Variants in ARHGEF2 observed in about 807,000 individuals in gnomAD.
The protein encoded by ARHGEF2 is rho guanine nucleotide exchange factor 2.
In ARHGEF2, 22 loss-of-function variants were observed where a neutral mutation model predicts 121.0. That is an observed-to-expected ratio of 0.18 (90% CI 0.13 to 0.26). The LOEUF (loss-of-function observed/expected upper bound fraction) is 0.26, where lower values mean the gene tolerates loss of function less well. ARHGEF2 is among the 10% of genes least tolerant of loss of function. The pLI, the probability that ARHGEF2 is intolerant of heterozygous loss-of-function variation, is 1.00. For synonymous variants in ARHGEF2, 487 were observed against 530.0 expected (o/e 0.92, Z 1.11); for missense variants, 907 against 1,336.0 (o/e 0.68, Z 5.01).
intron 7 of ARHGEF2, among the ~76,000 whole-genome samples, chr1:155,964,162 AAAAAAATATATAT>A (rs1469505180): frequency 4.2e-5 from 4 of 94,286 alleles, no homozygotes; most frequent in African/African-American, 1.7e-4. Flanking sequence ...AAAAAAAAAA[AAAAAAATATATAT>A]ATATATATAT....
At position 155,965,582 on chromosome 1, in the gene ARHGEF2, C is replaced by T. The variant is rs1679209040; in HGVS notation, c.470+49G>A. On this transcript the variant is annotated intron_variant, in intron 5 of 21. Transcript: ENST00000361247. The surrounding 1 kb of genome is among the most constrained non-coding windows in gnomAD (Gnocchi z 6.0). ...AGGGACCTCTCAGCACCCCCTTGGC[C>T]TCCACTGCCACACTCTCTGGCTGCC... is the stretch of plus-strand genomic sequence containing the variant. The T allele has an allele frequency of 7.4e-6, 12 of 1,611,224 alleles. No individual in the cohort carries two copies. The highest frequency in any genetic ancestry group is 2.2e-5 in the East Asian group (1 of 44,880).
chr1:155,971,883 T>TAAAAA (rs58112413), intron 1 of ARHGEF2, among the ~76,000 whole-genome samples: 1 of 140,450 alleles, frequency 7.1e-6, no homozygotes, highest in African/African-American at 2.6e-5. Flanking sequence ...CCCATCTCTA[T>TAAAAA]AAAAAAAAAA....
chr1:155,965,055 A>C lies in ARHGEF2; in HGVS notation c.657T>G (p.Leu219=). The C allele has an allele frequency of 1.2e-6, 2 of 1,614,180 alleles. No individual in the cohort carries two copies. The highest frequency in any genetic ancestry group is 1.7e-6 in the Non-Finnish European group (2 of 1,180,034). The part of the protein sequence containing the change: ...EKDFAADSWS[L]AVDSSFLQQH... The stretch of plus-strand genomic sequence containing the variant: ...GCTGCAGGAAGCTGCTGTCCACAGC[A>C]AGACTCCAAGAGTCAGCTGCAAAGT... The change falls in exon 7 of 22, where the codon CTT becomes CTG. Residue 219 remains leucine, a synonymous_variant. Coordinates refer to ENST00000361247, the MANE Select transcript of ARHGEF2 (RefSeq NM_001162383.2). This position sits in a 1 kb window ranked among gnomAD's most constrained non-coding sequence, Gnocchi z 6.0.
chr1:155,978,349 G>A lies in ARHGEF2; in HGVS notation c.63+16C>T, dbSNP rs1681708701. The A allele has an allele frequency of 4.0e-6, 6 of 1,507,224 alleles. No individual in the cohort carries two copies. Among genetic ancestry groups the A allele is most frequent in the Non-Finnish European group, 4.5e-6 (5 of 1,116,798 alleles). The allele number at this position is 1,507,224 out of a possible 1,614,324, so 93.4% of individuals were successfully genotyped here. ...CCCGAGGACCGCGGCGAAAGGAGAG[G>A]GGTTTCCGAGCCCACCTTGCTCGCC... is the stretch of plus-strand genomic sequence containing the variant. On this transcript the variant is annotated intron_variant, in intron 1 of 21. Coordinates refer to ENST00000361247, the MANE Select transcript of ARHGEF2 (RefSeq NM_001162383.2). This position sits in a 1 kb window ranked among gnomAD's most constrained non-coding sequence, Gnocchi z 4.1.
intron 12 of ARHGEF2, among the ~76,000 whole-genome samples, 172 bp downstream of exon 12, chr1:155,958,148 G>C (rs1677075715): frequency 6.6e-6 from 1 of 152,316 alleles, no homozygotes; most frequent in Middle Eastern, 3.4e-3. Flanking sequence ...AAGTGCCTGT[G>C]CACAGTAACA....
At chr1:155,967,780 T>TGCCCTTCCCAGACATG (rs1679707128) in intron 2 of ARHGEF2, among the ~76,000 whole-genome samples, 1 of 152,136 alleles carries the variant, frequency 6.6e-6, no homozygotes, top group African/African-American at 2.4e-5. Context: ...ACCCTGGCCG[T>TGCCCTTCCCAGACATG]GCCCTTCCCA....
chr1:155,974,625 C>G (rs1238094300), intron 1 of ARHGEF2, among the ~76,000 whole-genome samples: 1 of 152,078 alleles, frequency 6.6e-6, no homozygotes, highest in African/African-American at 2.4e-5. Context: ...AGAAACAACA[C>G]AGAAAGACAT....
At position 155,973,517 on chromosome 1, in the gene ARHGEF2, G is replaced by A. The variant is rs140699603; in HGVS notation, c.64-4217C>T. ...TCCTAACACTTTGAGAGGCCGAGGC[G>A]GGCAGATCACTTGAGATCAGGAGTT... On this transcript the variant is annotated intron_variant, in intron 1 of 21. Coordinates refer to ENST00000361247, the MANE Select transcript of ARHGEF2 (RefSeq NM_001162383.2). Among the ~76,000 whole-genome samples the A allele has an allele frequency of 2.7e-3, 405 of 152,232 alleles. 12 individuals are homozygous for A. The East Asian group carries it at 0.068, about 26-fold the overall frequency.
Position 155,965,519 on chromosome 1 carries a change from T to A in ARHGEF2, c.471-107A>T, listed in dbSNP as rs1287005652. ...AAGAGGCGGTCCCCCTAAGTTCTCC[T>A]TATTTGTCTGTCTACAGTTCTGAAC... On this transcript the variant is annotated intron_variant, in intron 5 of 21. Transcript: ENST00000361247. The surrounding 1 kb of genome is among the most constrained non-coding windows in gnomAD (Gnocchi z 6.0). The A allele has an allele frequency of 1.2e-6, 2 of 1,603,920 alleles. No homozygotes were observed. The highest frequency in any genetic ancestry group is 1.7e-5 in the Admixed American group (1 of 59,636).
rs755710866 is a variant in ARHGEF2 at position 155,962,976 on chromosome 1, C to T, written c.932G>A (p.Arg311Gln). 52 of 1,614,044 alleles carry T rather than the reference C, an allele frequency of 3.2e-5. No individual in the cohort carries two copies. The South Asian group carries it at 4.5e-4, about 14-fold the overall frequency. ...RRQALCPGST[R>Q]NFVIHRLGDL... ...ACCCAAGCGATGGATGACAAAGTTC[C>T]GGGTGCTGCCAGGGCACAGGGCCTG... is the stretch of plus-strand genomic sequence containing the variant. The change falls in exon 8 of 22, where the codon CGG becomes CAG. Residue 311 changes from arginine (R) to glutamine (Q), a missense_variant. Transcript: ENST00000361247. The surrounding 1 kb of genome is among the most constrained non-coding windows in gnomAD (Gnocchi z 5.8).
chr1:155,952,781 T>A lies in ARHGEF2; in HGVS notation c.1831A>T (p.Lys611Ter). The change falls in exon 15 of 22, where the codon AAG (lysine) becomes TAG (stop). Residue 611 changes from lysine to a stop codon, truncating the protein, a stop_gained. Coordinates refer to ENST00000361247, the MANE Select transcript of ARHGEF2 (RefSeq NM_001162383.2). LOFTEE classifies it high-confidence loss of function. ...DRALVELLRE[K>*]VGLFAEMTHF... is the part of the protein sequence containing the mutation. ...GTCATCTCAGCAAACAGCCCGACCT[T>A]CTCTCGCAGCAGCTCCACCAGTGCC... The A allele has an allele frequency of 1.2e-6, 2 of 1,614,124 alleles. No individual in the cohort carries two copies. Among genetic ancestry groups the A allele is most frequent in the Middle Eastern group, 1.6e-4 (1 of 6,062 alleles).
chr1:155,958,400 G>A lies in ARHGEF2; in HGVS notation c.1469-4C>T. 3.7e-6 allele frequency: 6 copies of A among 1,612,742 alleles called. No individual in the cohort carries two copies. Among genetic ancestry groups the A allele is most frequent in the Non-Finnish European group, 5.1e-6 (6 of 1,178,886 alleles). ...GTCATCAGCAGCACTAGCACATCTG[G>A]AAGGGGATGAAGGTGGGAGAACAGT... On this transcript the variant is annotated splice_polypyrimidine_tract_variant and splice_region_variant and intron_variant, in intron 11 of 21. Transcript: ENST00000361247.
intron 21 of ARHGEF2, among the ~76,000 whole-genome samples, chr1:155,949,380 G>A (rs1284286600): frequency 6.6e-6 from 1 of 152,100 alleles, no homozygotes; most frequent in East Asian, 1.9e-4. Context: ...AAGAGATTGA[G>A]ACCAGACTGG....
At chr1:155,972,989 G>C (rs964403555) in intron 1 of ARHGEF2, among the ~76,000 whole-genome samples, 2 of 152,044 alleles carry the variant, frequency 1.3e-5, no homozygotes, top group African/African-American at 4.8e-5. Flanking sequence ...ATAGGTGTGA[G>C]CCACCACGCT....
chr1:155,975,282 A>G (rs1008871561), intron 1 of ARHGEF2, among the ~76,000 whole-genome samples: 1 of 152,094 alleles, frequency 6.6e-6, no homozygotes, highest in African/African-American at 2.4e-5. Flanking sequence ...ACATGCACAC[A>G]GGGGATGCAC....
chr1:155,951,550 T>G lies in ARHGEF2; in HGVS notation c.2209-17A>C. On this transcript the variant is annotated splice_polypyrimidine_tract_variant and intron_variant, in intron 18 of 21. Coordinates refer to ENST00000361247, the MANE Select transcript of ARHGEF2 (RefSeq NM_001162383.2). The surrounding 1 kb of genome is among the most constrained non-coding windows in gnomAD (Gnocchi z 5.1). ...TAACGCCTCCTGAGGACAGACAGGG[T>G]GGGAACAGGGCCCCAGCTTTAGGAT... 1 of 1,613,948 alleles carries G rather than the reference T, an allele frequency of 6.2e-7. No homozygotes were observed. Among genetic ancestry groups the G allele is most frequent in the Non-Finnish European group, 8.5e-7 (1 of 1,179,990 alleles).
rs367876928 is a variant in ARHGEF2 at position 155,961,648 on chromosome 1, G to A, written c.1468+13C>T. Reference sequence around the variant, plus strand: ...ACTTTGAATTCCTGCCTAGTCTGCCGAGCAGGTCTGACCTTTGAAGCGCCC... The same window carrying A: ...ACTTTGAATTCCTGCCTAGTCTGCCAAGCAGGTCTGACCTTTGAAGCGCCC... On this transcript the variant is annotated intron_variant, in intron 11 of 21. Transcript: ENST00000361247. The surrounding 1 kb of genome is among the most constrained non-coding windows in gnomAD (Gnocchi z 4.7). The A allele has an allele frequency of 3.2e-5, 51 of 1,602,400 alleles. No individual in the cohort carries two copies. The highest frequency in any genetic ancestry group is 1.1e-4 in the African/African-American group (8 of 74,802).
intron 2 of ARHGEF2, 32 bp from the exon 3 acceptor site, chr1:155,966,919 G>A: frequency 6.2e-7 from 1 of 1,603,590 alleles, no homozygotes; most frequent in East Asian, 2.2e-5. Context: ...GGTGAAGGGA[G>A]GGCCGGGTGG....
At position 155,961,775 on chromosome 1, in the gene ARHGEF2, G is replaced by A. The variant is rs1428651206; in HGVS notation, c.1354C>T (p.Arg452Trp). 8 of 1,614,206 alleles carry A rather than the reference G, an allele frequency of 5.0e-6. No individual in the cohort carries two copies. Among genetic ancestry groups the A allele is most frequent in the East Asian group, 2.2e-5 (1 of 44,882 alleles). Residue 452 changes from arginine (R) to tryptophan (W), a missense_variant, in exon 11 of 22, where the codon CGG becomes TGG. Arg to Trp is a moderately radical substitution (Grantham distance 101). Transcript: ENST00000361247. This position sits in a 1 kb window ranked among gnomAD's most constrained non-coding sequence, Gnocchi z 4.7. ...LQEIYNRMDP[R>W]AQTPVPGKGP... Reference sequence around the variant, plus strand: ...TTGCCAGGCACTGGGGTTTGGGCCCGAGGGTCCATGCGGTTGTAGATCTCC... The same window carrying A: ...TTGCCAGGCACTGGGGTTTGGGCCCAAGGGTCCATGCGGTTGTAGATCTCC...
Sources: allele counts gnomAD v4.1 joint callset (sites outside exome capture counted in the v4.1 genomes callset), GRCh38; gene constraint gnomAD v4.1.1; non-coding constraint Gnocchi (gnomAD v3.1); transcripts MANE v1.5; gene names NCBI Gene and HGNC (gene_info 2026-07-23, HGNC 2026-07-21).